The following IL12RB2 variants were observed in gnomAD, a reference collection of about 807,000 sequenced individuals.
IL12RB2 encodes interleukin 12 receptor subunit beta 2, also known as interleukin-12 receptor subunit beta-2.
Under a neutral mutation model 89.4 loss-of-function variants are expected in IL12RB2, and 82 were observed. The ratio of observed to expected loss-of-function variants is 0.92; its 90% CI spans 0.77 to 1.10. The LOEUF (loss-of-function observed/expected upper bound fraction) is 1.10. Among genes scored for constraint, IL12RB2 ranks in the 50% least tolerant of loss-of-function variants. The pLI, the probability that IL12RB2 is intolerant of heterozygous loss-of-function variation, is 0.00. For synonymous variants in IL12RB2, 368 were observed against 370.1 expected, an observed-to-expected ratio of 0.99 and a Z score of 0.07; for missense variants, 963 against 1,031.9, an observed-to-expected ratio of 0.93 and a Z score of 0.92.
At chr1:67,392,300 T>G (rs1665913076) in intron 16 of IL12RB2, among the ~76,000 whole-genome samples, 1 of 152,134 alleles carries the variant, frequency 6.6e-6, no homozygotes, top group Non-Finnish European at 1.5e-5. Context: ...GGATGCAAAT[T>G]AAACTTTTTG....
At chr1:67,368,745 G>A (rs1662974277) in intron 11 of IL12RB2, among the ~76,000 whole-genome samples, 1 of 152,200 alleles carries the variant, frequency 6.6e-6, no homozygotes, top group East Asian at 1.9e-4. Flanking sequence ...GGCTCTGTCT[G>A]TGTGATCTAG....
chr1:67,390,464 T>TTC (rs1665692356), intron 16 of IL12RB2, among the ~76,000 whole-genome samples: 1 of 150,874 alleles, frequency 6.6e-6, no homozygotes, highest in Admixed American at 6.6e-5. Flanking sequence ...CCTTTTTTTT[T>TTC]TTTTTTTTTT....
intron 15 of IL12RB2, among the ~76,000 whole-genome samples, chr1:67,386,872 T>TA (rs1557476281): frequency 4.7e-4 from 23 of 48,446 alleles, no homozygotes; most frequent in African/African-American, 9.6e-4. Flanking sequence ...GAAATGTATT[T>TA]TATATATATA....
At chr1:67,317,134 G>A (rs1655879320) in intron 2 of IL12RB2, among the ~76,000 whole-genome samples, 1 of 152,204 alleles carries the variant, frequency 6.6e-6, no homozygotes, top group South Asian at 2.1e-4. Flanking sequence ...GGAAGACACA[G>A]AGGCATGAAT....
chr1:67,380,373 T>C (rs1455810067), intron 14 of IL12RB2, among the ~76,000 whole-genome samples: 2 of 152,158 alleles, frequency 1.3e-5, no homozygotes, highest in Non-Finnish European at 2.9e-5. Context: ...TCCCAAATGC[T>C]CCTTACATAA....
intron 9 of IL12RB2, among the ~76,000 whole-genome samples, chr1:67,346,420 T>G (rs1660248440): frequency 7.8e-6 from 1 of 128,296 alleles, no homozygotes; most frequent in Admixed American, 9.2e-5. Flanking sequence ...AGGTTCTCAC[T>G]CTGTCACCCA....
At position 67,397,420 on chromosome 1, in the gene IL12RB2, T is replaced by C. The variant is rs957134692; in HGVS notation, c.*1331T>C. Among the ~76,000 whole-genome samples, 2 of 152,160 alleles carry C rather than the reference T, an allele frequency of 1.3e-5. No individual in the cohort carries two copies. The highest frequency in any genetic ancestry group is 2.9e-5 in the Non-Finnish European group (2 of 68,028). On this transcript the variant is annotated 3_prime_UTR_variant, in exon 17 of 17. Coordinates refer to ENST00000674203, the MANE Select transcript of IL12RB2 (RefSeq NM_001374259.2). Reference sequence around the variant, plus strand: ...TGTCTCAGGGTCTAAGACCCCAACCTCTGAGGTTGTCCTCAGAAGTGGTCT... The same window carrying C: ...TGTCTCAGGGTCTAAGACCCCAACCCCTGAGGTTGTCCTCAGAAGTGGTCT...
chr1:67,314,849 G>A lies in IL12RB2; in HGVS notation c.-37+849G>A, dbSNP rs533091028. ...TCCCGCCCACCCCACCCCCATCCCC[G>A]ATCTGAGACGTTGTTTTCACCATCT... On this transcript the variant is annotated intron_variant, in intron 2 of 16. Coordinates refer to ENST00000674203, the MANE Select transcript of IL12RB2 (RefSeq NM_001374259.2). 7.0e-3 allele frequency among the ~76,000 whole-genome samples: 51 copies of A among 7,290 alleles called. 1 individual carries two copies. In the South Asian group the frequency reaches 0.13, roughly 18 times the overall value. The allele number at this position is 7,290 out of a possible 152,430, so 4.8% of individuals were successfully genotyped here. A position where few individuals can be genotyped will look rare whatever the true frequency, so the allele number is the denominator to read the frequency against.
chr1:67,316,541 C>T (rs890728502), intron 2 of IL12RB2, among the ~76,000 whole-genome samples: 1 of 152,032 alleles, frequency 6.6e-6, no homozygotes, highest in Non-Finnish European at 1.5e-5. Flanking sequence ...GTTTCCCATA[C>T]ATTTGAGAGT....
chr1:67,343,577 C>G (rs1050449151), intron 9 of IL12RB2, among the ~76,000 whole-genome samples: 2 of 152,134 alleles, frequency 1.3e-5, no homozygotes, highest in African/African-American at 4.8e-5. Flanking sequence ...GCAATCCTCT[C>G]CCTCAAACTT....
chr1:67,377,896 C>G (rs534878946), intron 13 of IL12RB2, among the ~76,000 whole-genome samples: 16 of 152,198 alleles, frequency 1.1e-4, no homozygotes, highest in African/African-American at 3.6e-4. Flanking sequence ...GAGGCTGAGG[C>G]AGGCGGATCA....
chr1:67,338,878 T>A (rs1659190335), intron 9 of IL12RB2, 175 bp downstream of exon 9: 1 of 630,430 alleles, frequency 1.6e-6, no homozygotes, highest in Non-Finnish European at 2.9e-6. Context: ...GAGAGCTGAG[T>A]TCCTTCTTCC....
chr1:67,328,146 G>A (rs1023558890), intron 5 of IL12RB2, 54 bp from the exon 6 acceptor site: 1 of 1,187,742 alleles, frequency 8.4e-7, no homozygotes, highest in Non-Finnish European at 1.3e-6. Context: ...TCTACTGTAA[G>A]TAGAAAGTAG....
At chr1:67,345,824 T>C (rs1161952842) in intron 9 of IL12RB2, among the ~76,000 whole-genome samples, 1 of 152,112 alleles carries the variant, frequency 6.6e-6, no homozygotes, top group Non-Finnish European at 1.5e-5. Context: ...GGAATTTTGA[T>C]TGGATAGCAG....
chr1:67,308,169 CCT>C (rs749608475), intron 1 of IL12RB2, among the ~76,000 whole-genome samples: 58 of 152,086 alleles, frequency 3.8e-4, no homozygotes, highest in East Asian at 1.9e-4. Context: ...TCATCACAGT[CCT>C]AACGCCCTGG....
At chr1:67,339,304 T>C (rs559610693) in intron 9 of IL12RB2, among the ~76,000 whole-genome samples, 17 of 152,018 alleles carry the variant, frequency 1.1e-4, no homozygotes, top group Admixed American at 3.9e-4. Context: ...CTGGCCAGCA[T>C]GGTGAAACCC....
intron 8 of IL12RB2, among the ~76,000 whole-genome samples, chr1:67,333,704 G>T (rs1386797316): frequency 6.6e-6 from 1 of 152,178 alleles, no homozygotes; most frequent in Non-Finnish European, 1.5e-5. Context: ...TCAAAGGCAG[G>T]CCTGATAGTG....
intron 9 of IL12RB2, among the ~76,000 whole-genome samples, chr1:67,346,198 T>G (rs1451100705): frequency 6.6e-6 from 1 of 152,176 alleles, no homozygotes; most frequent in Non-Finnish European, 1.5e-5. Context: ...TTCCTTATTT[T>G]ATTCATGAGT....
intron 1 of IL12RB2, among the ~76,000 whole-genome samples, chr1:67,312,188 C>G (rs75775187): frequency 0.01 from 1,564 of 152,216 alleles, 23 homozygotes; most frequent in African/African-American, 0.036. Context: ...GGATGGTGCC[C>G]GGGGCCTCTT....
Sources: gnomAD v4.1 joint callset for allele counts (sites outside exome capture counted in the v4.1 genomes callset) on GRCh38, gnomAD v4.1.1 for gene constraint, MANE v1.5 for transcripts, NCBI Gene and HGNC (gene_info 2026-07-23, HGNC 2026-07-21) for gene names.